SOHLH2: variants seen among roughly 807,000 people sequenced by gnomAD.
The protein encoded by SOHLH2 is spermatogenesis- and oogenesis-specific basic helix-loop-helix-containing protein 2.
A neutral mutation model predicts 50.4 loss-of-function variants in SOHLH2; 22 were observed. The ratio of observed to expected loss-of-function variants is 0.44; its 90% confidence interval spans 0.31 to 0.62. The LOEUF (loss-of-function observed/expected upper bound fraction) is 0.62. SOHLH2 is among the 20% of genes least tolerant of loss of function. The pLI, the probability that SOHLH2 is intolerant of heterozygous loss-of-function variation, is 0.08. For synonymous variants in SOHLH2, 185 were observed against 187.3 expected (o/e 0.99, Z 0.10); for missense variants, 412 against 504.4 (o/e 0.82, Z 1.76).
At chr13:36,181,540 T>C (rs142979187) in intron 6 of SOHLH2, among the ~76,000 whole-genome samples, 1 of 152,308 alleles carries the variant, frequency 6.6e-6, no homozygotes, top group East Asian at 1.9e-4. Context: ...GAAGTTTTCA[T>C]AGTCTAGAGT....
chr13:36,169,028 G>T lies in SOHLH2; in HGVS notation c.*6C>A, dbSNP rs1886892016. 1.2e-6 allele frequency: 2 copies of T among 1,606,332 alleles called. No homozygotes were observed. Among genetic ancestry groups the T allele is most frequent in the Non-Finnish European group, 1.7e-6 (2 of 1,177,656 alleles). Reference sequence around the variant, plus strand: ...GGTTGAGAGTGTGAATTTCAAACATGTGCTTTTAATACGCCCAAAACTGTT... The same window carrying T: ...GGTTGAGAGTGTGAATTTCAAACATTTGCTTTTAATACGCCCAAAACTGTT... On this transcript the variant is annotated 3_prime_UTR_variant, in exon 11 of 11. Transcript: ENST00000379881.
At chr13:36,203,541 G>A (rs1868557268) in intron 1 of SOHLH2, among the ~76,000 whole-genome samples, 2 of 152,194 alleles carry the variant, frequency 1.3e-5, no homozygotes, top group East Asian at 3.9e-4. Flanking sequence ...GTGCAAATAA[G>A]CATATATCCT....
chr13:36,201,733 G>C (rs944925591), intron 2 of SOHLH2, 146 bp downstream of exon 2: 2 of 1,254,736 alleles, frequency 1.6e-6, no homozygotes, highest in Non-Finnish European at 2.1e-6. Flanking sequence ...GCCTCTCAAA[G>C]TGCCAGGATT....
At chr13:36,186,697 G>C (rs529930192) in intron 6 of SOHLH2, among the ~76,000 whole-genome samples, 1 of 152,132 alleles carries the variant, frequency 6.6e-6, no homozygotes, top group African/African-American at 2.4e-5. Flanking sequence ...ATAAAAACAT[G>C]TTTATGTATT....
intron 6 of SOHLH2, among the ~76,000 whole-genome samples, chr13:36,178,635 T>C (rs1887156172): frequency 6.6e-6 from 1 of 152,160 alleles, no homozygotes; most frequent in African/African-American, 2.4e-5. Context: ...ATCTTGTCAA[T>C]TTTTATGGAA....
At chr13:36,178,137 G>A (rs1030531696) in intron 6 of SOHLH2, among the ~76,000 whole-genome samples, 23 of 151,906 alleles carry the variant, frequency 1.5e-4, no homozygotes, top group African/African-American at 4.6e-4. Flanking sequence ...GCCACATTTC[G>A]AATACTCAAT....
In SOHLH2 at chr13:36,174,813, C is replaced by T. The variant is rs748710172; in HGVS notation, c.698G>A (p.Gly233Glu). 1.2e-5 allele frequency: 20 copies of T among 1,610,414 alleles called. No individual in the cohort carries two copies. In the East Asian group the frequency reaches 4.2e-4, roughly 34 times the overall value. The part of the protein sequence containing the change: ...QLRTLLPYVK[G>E]RKNDAASVLE... The stretch of plus-strand genomic sequence containing the variant: ...AACTGAAGCCGCATCATTCTTTCTC[C>T]CTTTTACATACGGCAAGAGAGTACG... Residue 233 changes from glycine to glutamate, a missense_variant, in exon 7 of 11, where the codon GGG becomes GAG. Gly to Glu is a moderately conservative substitution (Grantham distance 98, BLOSUM62 -2). Coordinates refer to ENST00000379881, the MANE Select transcript of SOHLH2 (RefSeq NM_017826.3).
At chr13:36,170,415 T>A in intron 10 of SOHLH2, 116 bp downstream of exon 10, 1 of 1,449,776 alleles carries the variant, frequency 6.9e-7, no homozygotes, top group South Asian at 1.5e-5. Context: ...AGACTCAGAA[T>A]CAAGCTCTTA....
chr13:36,194,152 G>A (rs1286615462), intron 2 of SOHLH2, among the ~76,000 whole-genome samples: 3 of 151,346 alleles, frequency 2.0e-5, no homozygotes, highest in Non-Finnish European at 4.4e-5. Flanking sequence ...ACATTTTAAA[G>A]AACATCATGG....
chr13:36,214,407 G>C (rs1050340798), intron 1 of SOHLH2, 72 bp downstream of exon 1: 12 of 1,549,948 alleles, frequency 7.7e-6, no homozygotes, highest in African/African-American at 2.7e-5. Context: ...TTTGAGGGCC[G>C]AGGGGACCAC....
At chr13:36,177,257 C>T (rs1887119383) in intron 6 of SOHLH2, among the ~76,000 whole-genome samples, 1 of 152,094 alleles carries the variant, frequency 6.6e-6, no homozygotes, top group African/African-American at 2.4e-5. Flanking sequence ...CAGCAGTTTG[C>T]TCCTTTTCAC....
intron 4 of SOHLH2, among the ~76,000 whole-genome samples, chr13:36,192,765 G>A (rs74563300): frequency 0.02 from 2,992 of 152,106 alleles, 81 homozygotes; most frequent in African/African-American, 0.068. Context: ...ACGTCACATC[G>A]TTACCTTTTC....
Position 36,201,827 on chromosome 13 carries a change from G to A in SOHLH2, c.263+52C>T, listed in dbSNP as rs186921270. On this transcript the variant is annotated intron_variant, in intron 2 of 10. Coordinates refer to ENST00000379881, the MANE Select transcript of SOHLH2 (RefSeq NM_017826.3). ...CTTTTTAGGAGTTTTTAAAAAATGG[G>A]TTTTTAAAAAAATGATTCTAAAGAT... 5.1e-5 allele frequency: 81 copies of A among 1,592,376 alleles called. No individual in the cohort carries two copies. In the African/African-American group the frequency reaches 8.7e-4, roughly 17 times the overall value.
At chr13:36,170,505 T>C in intron 10 of SOHLH2, 26 bp downstream of exon 10, 1 of 1,608,236 alleles carries the variant, frequency 6.2e-7, no homozygotes, top group Non-Finnish European at 8.5e-7. Context: ...GGGTCCAATC[T>C]GATCCATGGA....
intron 9 of SOHLH2, among the ~76,000 whole-genome samples, chr13:36,171,731 T>C (rs570679635): frequency 4.6e-4 from 70 of 152,160 alleles, no homozygotes; most frequent in African/African-American, 1.7e-3. Context: ...AAAATCACTC[T>C]CTCCCCAAAC....
intron 2 of SOHLH2, among the ~76,000 whole-genome samples, chr13:36,194,833 TAC>T (rs1299173574): frequency 6.6e-6 from 1 of 152,222 alleles, no homozygotes; most frequent in Admixed American, 6.5e-5. Context: ...AGCATGTGGT[TAC>T]ATATGGTTAT....
intron 6 of SOHLH2, among the ~76,000 whole-genome samples, chr13:36,181,178 C>G (rs1169697503): frequency 1.3e-5 from 2 of 152,052 alleles, no homozygotes; most frequent in Non-Finnish European, 2.9e-5. Context: ...ATTAAAATAG[C>G]CTATCTGACT....
intron 1 of SOHLH2, among the ~76,000 whole-genome samples, chr13:36,204,365 C>T (rs1204043127): frequency 6.6e-6 from 1 of 152,128 alleles, no homozygotes; most frequent in Admixed American, 6.6e-5. Flanking sequence ...AAGCCATCTC[C>T]ATTTATGTTA....
At chr13:36,198,479 A>G (rs1887802343) in intron 2 of SOHLH2, among the ~76,000 whole-genome samples, 1 of 152,210 alleles carries the variant, frequency 6.6e-6, no homozygotes, top group African/African-American at 2.4e-5. Context: ...ATATGTCACC[A>G]CTAGGTAGTG....
Sources: allele counts gnomAD v4.1 joint callset (sites outside exome capture counted in the v4.1 genomes callset), GRCh38; gene constraint gnomAD v4.1.1; transcripts MANE v1.5; gene names NCBI Gene and HGNC (gene_info 2026-07-23, HGNC 2026-07-21).